IMMP2L: variants seen among roughly 807,000 people sequenced by gnomAD.
IMMP2L encodes the protein inner mitochondrial membrane peptidase subunit 2.
In IMMP2L, 18 loss-of-function variants were observed where a neutral mutation model predicts 19.3. The observed-to-expected ratio is 0.93, with a 90% confidence interval of 0.64 to 1.38. The LOEUF is 1.38. IMMP2L is among the 40% of genes most tolerant of loss of function. IMMP2L has a pLI of 0.00. For missense variants in IMMP2L, 233 were observed against 218.2 expected (o/e 1.07, Z -0.43); for synonymous variants, 76 against 73.0 (o/e 1.04, Z -0.21).
chr7:111,411,090 T>TAA (rs536367628), intron 3 of IMMP2L, among the ~76,000 whole-genome samples: 17 of 78,848 alleles, frequency 2.2e-4, no homozygotes, highest in South Asian at 1.1e-3. Flanking sequence ...ATCAAATTGC[T>TAA]AAAAAAAAAA....
At chr7:111,073,449 A>G (rs1586092555) in intron 3 of IMMP2L, among the ~76,000 whole-genome samples, 1 of 152,214 alleles carries the variant, frequency 6.6e-6, no homozygotes, top group Non-Finnish European at 1.5e-5. Flanking sequence ...AAATTTAAAA[A>G]GTAGTATCCC....
chr7:111,461,831 C>T (rs946628078), intron 3 of IMMP2L, among the ~76,000 whole-genome samples: 28 of 152,116 alleles, frequency 1.8e-4, no homozygotes, highest in Non-Finnish European at 2.2e-4. Flanking sequence ...CTGGAAACAA[C>T]TGTTTCTGTA....
intron 1 of IMMP2L, among the ~76,000 whole-genome samples, chr7:111,527,870 T>A (rs560856588): frequency 2.0e-5 from 3 of 151,440 alleles, no homozygotes; most frequent in Non-Finnish European, 4.4e-5. Flanking sequence ...TATGTGCTGA[T>A]CCTGCTCCAA....
At chr7:111,269,648 T>C (rs1262127243) in intron 3 of IMMP2L, among the ~76,000 whole-genome samples, 1 of 151,822 alleles carries the variant, frequency 6.6e-6, no homozygotes, top group Non-Finnish European at 1.5e-5. Context: ...TACAGTTTTT[T>C]TTAAAAAAAA....
intron 5 of IMMP2L, among the ~76,000 whole-genome samples, chr7:110,698,463 T>A (rs1482648871): frequency 1.3e-5 from 2 of 152,160 alleles, no homozygotes; most frequent in African/African-American, 2.4e-5. Context: ...GCATCCAGAA[T>A]TGTAAAAGGA....
At chr7:111,211,612 A>G (rs545403408) in intron 3 of IMMP2L, among the ~76,000 whole-genome samples, 1 of 152,314 alleles carries the variant, frequency 6.6e-6, no homozygotes, top group South Asian at 2.1e-4. Flanking sequence ...ATACTGTGAA[A>G]AACTTGGGGA....
intron 3 of IMMP2L, among the ~76,000 whole-genome samples, chr7:111,357,681 GAATAA>G (rs1828853236): frequency 1.3e-5 from 2 of 152,000 alleles, no homozygotes; most frequent in Non-Finnish European, 2.9e-5. Flanking sequence ...TTATTAAACA[GAATAA>G]AATAATCAAA....
intron 3 of IMMP2L, among the ~76,000 whole-genome samples, chr7:110,980,254 G>C (rs1428367771): frequency 2.4e-5 from 1 of 41,894 alleles, no homozygotes; most frequent in Non-Finnish European, 7.0e-5. Flanking sequence ...TTTTTTAGGA[G>C]TCTCGCTCTG....
At chr7:111,124,456 A>G in intron 3 of IMMP2L, 1 of 1,613,922 alleles carries the variant, frequency 6.2e-7, no homozygotes, top group East Asian at 2.2e-5. Context: ...CAAGACTGAA[A>G]ATTCTCATGC....
At chr7:111,048,658 T>C (rs1025473409) in intron 3 of IMMP2L, among the ~76,000 whole-genome samples, 3 of 152,174 alleles carry the variant, frequency 2.0e-5, no homozygotes, top group Admixed American at 6.5e-5. Flanking sequence ...TTAAAATATA[T>C]ACTATAATGC....
intron 5 of IMMP2L, among the ~76,000 whole-genome samples, chr7:110,822,053 G>C (rs996366132): frequency 2.0e-5 from 3 of 152,064 alleles, no homozygotes; most frequent in African/African-American, 4.8e-5. Context: ...TCCAACCCAG[G>C]TGTGTCTCCT....
At chr7:111,025,759 G>T (rs1307257427) in intron 3 of IMMP2L, among the ~76,000 whole-genome samples, 1 of 152,048 alleles carries the variant, frequency 6.6e-6, no homozygotes, top group Non-Finnish European at 1.5e-5. Flanking sequence ...ATATATGAAT[G>T]GATAGATGGC....
chr7:111,326,057 A>G, intron 3 of IMMP2L, among the ~76,000 whole-genome samples: 1 of 151,744 alleles, frequency 6.6e-6, no homozygotes, highest in East Asian at 1.9e-4. Flanking sequence ...GTATTTTTTT[A>G]TGGTTAGATT....
chr7:110,995,454 C>T (rs1015711334), intron 3 of IMMP2L, among the ~76,000 whole-genome samples: 5 of 152,038 alleles, frequency 3.3e-5, no homozygotes, highest in Non-Finnish European at 5.9e-5. Context: ...AAGAGGCTAT[C>T]GAAGTGATGA....
chr7:110,783,445 A>G (rs555628112), intron 5 of IMMP2L, among the ~76,000 whole-genome samples: 5 of 152,028 alleles, frequency 3.3e-5, no homozygotes, highest in African/African-American at 1.2e-4. Context: ...TTTCTATTAC[A>G]ACAGGACTAA....
At chr7:111,351,049 T>C (rs1460472919) in intron 3 of IMMP2L, among the ~76,000 whole-genome samples, 2 of 152,200 alleles carry the variant, frequency 1.3e-5, no homozygotes, top group African/African-American at 4.8e-5. Flanking sequence ...CAGGCTGGTA[T>C]TGATTTTGAT....
At chr7:110,735,357 T>C (rs921716808) in intron 5 of IMMP2L, among the ~76,000 whole-genome samples, 31 of 152,066 alleles carry the variant, frequency 2.0e-4, no homozygotes, top group African/African-American at 7.0e-4. Flanking sequence ...GCTATTCTCT[T>C]TCTTTCACCA....
At chr7:110,671,527 G>A (rs1055342980) in intron 5 of IMMP2L, among the ~76,000 whole-genome samples, 3 of 152,078 alleles carry the variant, frequency 2.0e-5, no homozygotes, top group Admixed American at 6.6e-5. Context: ...CAATGCCAAC[G>A]AACCACATGG....
At chr7:111,033,663 A>G (rs903723290) in intron 3 of IMMP2L, among the ~76,000 whole-genome samples, 1 of 152,218 alleles carries the variant, frequency 6.6e-6, no homozygotes, top group African/African-American at 2.4e-5. Context: ...GTCATGAAAA[A>G]TCATGGAAGA....
Sources: allele counts gnomAD v4.1 joint callset (sites outside exome capture counted in the v4.1 genomes callset), GRCh38; gene constraint gnomAD v4.1.1; transcripts MANE v1.5; gene names NCBI Gene and HGNC (gene_info 2026-07-23, HGNC 2026-07-21).